The following VPS16 variants were observed in gnomAD, a reference collection of about 807,000 sequenced individuals.
The protein encoded by VPS16 is vacuolar protein sorting-associated protein 16 homolog.
VPS16 carries 82 observed loss-of-function variants against 116.0 expected under a neutral mutation model. The ratio of observed to expected loss-of-function variants is 0.71; its 90% confidence interval spans 0.59 to 0.85. The LOEUF is 0.85. Among genes scored for constraint, VPS16 ranks in the 40% least tolerant of loss-of-function variants. VPS16 has a pLI of 0.00. For synonymous variants in VPS16, 406 were observed against 420.7 expected, an observed-to-expected ratio of 0.96 and a Z score of 0.43; for missense variants, 928 against 1,090.6, an observed-to-expected ratio of 0.85 and a Z score of 2.10.
In VPS16 at chr20:2,860,467, G is replaced by T; in HGVS notation, c.388G>T (p.Val130Phe). ...TCCTCAGGAAGTGCTCCAGAACCGGGTTCTGGATGCCCGGATCTTTCACAC... is the reference window on the plus strand; with the variant it reads ...TCCTCAGGAAGTGCTCCAGAACCGGTTTCTGGATGCCCGGATCTTTCACAC... Reference protein sequence around the residue: ...SMGNEVLQNRVLDARIFHTEF... With the variant: ...SMGNEVLQNRFLDARIFHTEF... Residue 130 changes from valine to phenylalanine, a missense_variant, in exon 5 of 24, where the codon GTT (valine) becomes TTT (phenylalanine). Val to Phe is a conservative substitution (Grantham distance 50, BLOSUM62 -1). Coordinates refer to ENST00000380445, the MANE Select transcript of VPS16 (RefSeq NM_022575.4). This position sits in a 1 kb window ranked among gnomAD's most constrained non-coding sequence, Gnocchi z 6.1. 6 of 1,614,076 alleles carry T rather than the reference G, an allele frequency of 3.7e-6. No homozygotes were observed. Among genetic ancestry groups the T allele is most frequent in the Non-Finnish European group, 5.1e-6 (6 of 1,180,008 alleles).
chr20:2,842,774 A>C (rs1392562552), intron 1 of VPS16, among the ~76,000 whole-genome samples: 12 of 10,930 alleles, frequency 1.1e-3, no homozygotes, highest in African/African-American at 4.4e-3. Flanking sequence ...AGATAGACAT[A>C]TAGATGTATC....
chr20:2,866,275 G>C lies in VPS16; in HGVS notation c.2335G>C (p.Val779Leu), dbSNP rs776564660. 1.2e-6 allele frequency: 2 copies of C among 1,614,114 alleles called. No individual in the cohort carries two copies. The highest frequency in any genetic ancestry group is 2.2e-5 in the South Asian group (2 of 91,076). ...KYEAKKYASRVGPEQKVKALL... is the reference protein window; with the variant it reads ...KYEAKKYASRLGPEQKVKALL... Reference sequence around the variant, plus strand: ...CGAAGCCAAGAAGTATGCTTCCCGCGTGGGTCCCGAGCAGAAGGTCAAGGC... The same window carrying C: ...CGAAGCCAAGAAGTATGCTTCCCGCCTGGGTCCCGAGCAGAAGGTCAAGGC... Residue 779 changes from valine (V) to leucine (L), a missense_variant, in exon 23 of 24, where the codon GTG becomes CTG. Coordinates refer to ENST00000380445, the MANE Select transcript of VPS16 (RefSeq NM_022575.4).
rs201797498 is a variant in VPS16, at chr20:2,861,689, C to G, written c.884C>G (p.Ala295Gly). Residue 295 changes from alanine to glycine, a missense_variant, in exon 9 of 24, where the codon GCA (alanine) becomes GGA (glycine). Transcript: ENST00000380445. ...WERRLMVVGD[A>G]PESIQFVLDE... ...AGGCGGCTGATGGTGGTGGGCGATGCACCCGAGAGCATCCAGTATCCTTGG... is the reference window on the plus strand; with the variant it reads ...AGGCGGCTGATGGTGGTGGGCGATGGACCCGAGAGCATCCAGTATCCTTGG... The G allele has an allele frequency of 6.2e-7, 1 of 1,612,950 alleles. No individual in the cohort carries two copies. The highest frequency in any genetic ancestry group is 2.2e-5 in the East Asian group (1 of 44,860).
At chr20:2,855,260 T>C (rs1599988184) in intron 1 of VPS16, among the ~76,000 whole-genome samples, 1 of 149,666 alleles carries the variant, frequency 6.7e-6, no homozygotes, top group Non-Finnish European at 1.5e-5. Flanking sequence ...GCCTGGCCAA[T>C]GAGCAGTAAT....
In VPS16 at chr20:2,863,152, A is replaced by T; in HGVS notation, c.1367+52A>T. ...GCGGGCTGTCAGGGGGGTGGGCATT[A>T]CAGCCTTGGGTGGGGTCTTATGGTC... On this transcript the variant is annotated intron_variant, in intron 14 of 23. Transcript: ENST00000380445. The surrounding 1 kb of genome is among the most constrained non-coding windows in gnomAD (Gnocchi z 4.4). 6.2e-7 allele frequency: 1 copy of T among 1,613,308 alleles called. No homozygotes were observed. The highest frequency in any genetic ancestry group is 8.5e-7 in the Non-Finnish European group (1 of 1,179,816).
intron 1 of VPS16, among the ~76,000 whole-genome samples, chr20:2,857,752 C>T (rs368248611): frequency 6.6e-6 from 1 of 150,632 alleles, no homozygotes; most frequent in Non-Finnish European, 1.5e-5. Context: ...CTCTTGCTCC[C>T]CAGGCTGGAG....
intron 8 of VPS16, among the ~76,000 whole-genome samples, 166 bp from the exon 9 acceptor site, chr20:2,861,449 G>T (rs1440011484): frequency 6.6e-6 from 1 of 152,214 alleles, no homozygotes; most frequent in Admixed American, 6.5e-5. Context: ...GTGGGCCACA[G>T]CTGCCTTGAG....
intron 1 of VPS16, among the ~76,000 whole-genome samples, chr20:2,849,108 T>G (rs2089090393): frequency 6.6e-6 from 1 of 152,028 alleles, no homozygotes; most frequent in Non-Finnish European, 1.5e-5. Context: ...AGTTCAAGAT[T>G]GTCAGTTTCA....
At chr20:2,859,638 G>A in intron 1 of VPS16, 81 bp from the exon 2 acceptor site, 1 of 1,466,626 alleles carries the variant, frequency 6.8e-7, no homozygotes, top group Non-Finnish European at 9.5e-7. Context: ...GACAAATGGA[G>A]GCTTTAGGAA....
chr20:2,851,496 CT>C (rs1194320778), intron 1 of VPS16, among the ~76,000 whole-genome samples: 1 of 151,936 alleles, frequency 6.6e-6, no homozygotes, highest in Non-Finnish European at 1.5e-5. Context: ...AACCCCATCT[CT>C]ACTAAAACTA....
rs759441699 is a variant in VPS16, at chr20:2,864,572, C to T, written c.1844C>T (p.Thr615Met). 2.1e-5 allele frequency: 34 copies of T among 1,614,012 alleles called. No individual in the cohort carries two copies. Among genetic ancestry groups the T allele is most frequent in the East Asian group, 6.7e-5 (3 of 44,894 alleles). ...RQFCKHQELE[T>M]LKDLYNQDDN... is the part of the protein sequence containing the mutation. ...TTCTGTAAGCATCAGGAGCTAGAGA[C>T]GCTGAAGGACCTTTACAATCAGGAT... is the stretch of plus-strand genomic sequence containing the variant. Residue 615 changes from threonine (T) to methionine (M), a missense_variant, in exon 19 of 24, where the codon ACG becomes ATG. By Grantham distance (81) the Thr-to-Met change is moderately conservative. Transcript: ENST00000380445. This position sits in a 1 kb window ranked among gnomAD's most constrained non-coding sequence, Gnocchi z 5.2.
At chr20:2,866,396 C>T (rs777094037) in intron 23 of VPS16, 34 bp from the exon 24 acceptor site, 1 of 1,614,046 alleles carries the variant, frequency 6.2e-7, no homozygotes, top group Non-Finnish European at 8.5e-7. Flanking sequence ...CTTGAGCAGC[C>T]CCAACACCAC....
Position 2,866,590 on chromosome 20 carries a change from C to T in VPS16, c.*16C>T, listed in dbSNP as rs918902593. On this transcript the variant is annotated 3_prime_UTR_variant, in exon 24 of 24. Transcript: ENST00000380445. ...GAAGAAGTGAGGAGTCCATCCTGTA[C>T]ATCTCAAGCAAGGGGTTCCTCCCCT... 17 of 1,613,128 alleles carry T rather than the reference C, an allele frequency of 1.1e-5. No homozygotes were observed. The highest frequency in any genetic ancestry group is 1.7e-5 in the Admixed American group (1 of 59,944).
chr20:2,861,905 G>A lies in VPS16; in HGVS notation c.994+6G>A, dbSNP rs1229785438. ...GTTCCTGCATGAGGTTCCAGGTGAG[G>A]CCTTCACAAGGGCACCACATAACCC... On this transcript the variant is annotated splice_donor_region_variant and intron_variant, in intron 10 of 23. Transcript: ENST00000380445. The A allele has an allele frequency of 6.2e-7, 1 of 1,612,972 alleles. No individual in the cohort carries two copies. The highest frequency in any genetic ancestry group is 8.5e-7 in the Non-Finnish European group (1 of 1,179,590).
At chr20:2,862,783 C>T in intron 12 of VPS16, 24 bp from the exon 13 acceptor site, 9 of 1,613,518 alleles carry the variant, frequency 5.6e-6, no homozygotes, top group African/African-American at 1.3e-5. Context: ...AAGCTCTCTC[C>T]TATCGCCCTC....
intron 1 of VPS16, among the ~76,000 whole-genome samples, chr20:2,845,415 T>C (rs2089048647): frequency 6.6e-6 from 1 of 151,890 alleles, no homozygotes; most frequent in South Asian, 2.1e-4. Flanking sequence ...GAAAGGAGAG[T>C]TAAGATACAT....
chr20:2,840,865 C>G (rs1228172283), intron 1 of VPS16, 38 bp downstream of exon 1: 1 of 1,225,422 alleles, frequency 8.2e-7, no homozygotes, highest in Non-Finnish European at 1.1e-6. Context: ...GCCTGGCTTA[C>G]CCTGCTCGCC....
intron 1 of VPS16, among the ~76,000 whole-genome samples, chr20:2,850,237 C>T (rs1229252957): frequency 6.6e-6 from 1 of 152,028 alleles, no homozygotes; most frequent in Non-Finnish European, 1.5e-5. Context: ...GGCAGGAGAA[C>T]TCCTTGAACC....
intron 7 of VPS16, 66 bp downstream of exon 7, chr20:2,861,158 G>C: frequency 6.2e-7 from 1 of 1,614,134 alleles, no homozygotes; most frequent in Non-Finnish European, 8.5e-7. Context: ...TTGGTGATGC[G>C]GGAGGGCTTT....
Sources: allele counts gnomAD v4.1 joint callset (sites outside exome capture counted in the v4.1 genomes callset), GRCh38; gene constraint gnomAD v4.1.1; non-coding constraint Gnocchi (gnomAD v3.1); transcripts MANE v1.5; gene names NCBI Gene and HGNC (gene_info 2026-07-23, HGNC 2026-07-21).